Variants in RABGAP1L observed in about 807,000 individuals in gnomAD.
RABGAP1L encodes the protein rab GTPase-activating protein 1-like.
Under a neutral mutation model 137.7 loss-of-function variants are expected in RABGAP1L, and 63 were observed. The ratio of observed to expected loss-of-function variants is 0.46; its 90% CI spans 0.37 to 0.56. RABGAP1L has a LOEUF of 0.56. RABGAP1L is among the 20% of genes least tolerant of loss of function. The pLI is 0.00. For synonymous variants in RABGAP1L, 431 were observed against 433.7 expected, an observed-to-expected ratio of 0.99 and a Z score of 0.08; for missense variants, 1,095 against 1,244.0, an observed-to-expected ratio of 0.88 and a Z score of 1.80.
chr1:174,296,017 C>T (rs563639807), intron 10 of RABGAP1L, among the ~76,000 whole-genome samples: 1 of 152,042 alleles, frequency 6.6e-6, no homozygotes, highest in East Asian at 1.9e-4. Context: ...GAAACACAGA[C>T]GTTTAAAAAA....
intron 11 of RABGAP1L, among the ~76,000 whole-genome samples, chr1:174,309,055 A>T (rs1168514211): frequency 6.6e-6 from 1 of 151,948 alleles, no homozygotes; most frequent in Non-Finnish European, 1.5e-5. Context: ...TCTGTCATCA[A>T]TGTCTTATAG....
chr1:174,573,890 C>A (rs1393675441), intron 13 of RABGAP1L, among the ~76,000 whole-genome samples: 1 of 152,148 alleles, frequency 6.6e-6, no homozygotes, highest in Admixed American at 6.5e-5. Flanking sequence ...AGTACTTGAA[C>A]TGAAATTTAG....
chr1:174,438,742 G>GTA (rs1468934527), intron 13 of RABGAP1L, among the ~76,000 whole-genome samples: 2 of 65,792 alleles, frequency 3.0e-5, no homozygotes, highest in Non-Finnish European at 2.5e-5. Flanking sequence ...AAGTGTGTGT[G>GTA]TGTATATATA....
At chr1:174,449,047 T>C in intron 13 of RABGAP1L, 2 of 1,613,974 alleles carry the variant, frequency 1.2e-6, no homozygotes, top group East Asian at 2.2e-5. Context: ...ATAGTTTTTG[T>C]AACTGTGTAA....
At chr1:174,820,942 G>A (rs569230470) in intron 19 of RABGAP1L, among the ~76,000 whole-genome samples, 1 of 151,814 alleles carries the variant, frequency 6.6e-6, no homozygotes, top group African/African-American at 2.4e-5. Context: ...GCTGGAGTCC[G>A]GGAGGTGGAG....
chr1:174,299,759 C>CT (rs1243095229), intron 10 of RABGAP1L, among the ~76,000 whole-genome samples: 2 of 152,190 alleles, frequency 1.3e-5, no homozygotes, highest in South Asian at 4.1e-4. Flanking sequence ...TTAGTTAACT[C>CT]TTGTTTTGCT....
intron 13 of RABGAP1L, among the ~76,000 whole-genome samples, chr1:174,477,599 C>T (rs1658635162): frequency 6.6e-6 from 1 of 152,114 alleles, no homozygotes; most frequent in African/African-American, 2.4e-5. Flanking sequence ...GGGAGAAGTA[C>T]TGGACATCTG....
chr1:174,483,484 C>G (rs1287925099), intron 13 of RABGAP1L, among the ~76,000 whole-genome samples: 4 of 152,176 alleles, frequency 2.6e-5, no homozygotes, highest in African/African-American at 9.7e-5. Context: ...TTTTTTATGG[C>G]TGAATAGTAC....
At chr1:174,640,347 A>G (rs1029579707) in intron 14 of RABGAP1L, among the ~76,000 whole-genome samples, 2 of 152,100 alleles carry the variant, frequency 1.3e-5, no homozygotes, top group Non-Finnish European at 1.5e-5. Context: ...TTAGAATGGA[A>G]TATTATTCTC....
intron 13 of RABGAP1L, among the ~76,000 whole-genome samples, chr1:174,445,275 A>T (rs1228262793): frequency 1.3e-5 from 2 of 152,180 alleles, no homozygotes; most frequent in African/African-American, 4.8e-5. Context: ...GTAAGTCAAA[A>T]TAATCAGAAA....
intron 8 of RABGAP1L, among the ~76,000 whole-genome samples, chr1:174,274,648 G>T: frequency 6.9e-6 from 1 of 145,624 alleles, no homozygotes; most frequent in East Asian, 2.0e-4. Flanking sequence ...GTAGAGGAGA[G>T]AAAGAGACCA....
At chr1:174,717,620 A>ATTTTTTTACAAAATTTTTACAAAATT (rs1681130063) in intron 17 of RABGAP1L, among the ~76,000 whole-genome samples, 3 of 152,126 alleles carry the variant, frequency 2.0e-5, no homozygotes, top group Non-Finnish European at 2.9e-5. Context: ...AACATGCAAA[A>ATTTTTTTACAAAATTTTTACAAAATT]TTTTTACAAA....
In RABGAP1L at chr1:174,830,768, C is replaced by T. The variant is rs540788925; in HGVS notation, c.2340+18808C>T. ...CTGGGATTACAGGCATGAGCTACCG[C>T]ACCTGGTGAGCTGTTATTTTTCAAA... On this transcript the variant is annotated intron_variant, in intron 19 of 25. Coordinates refer to ENST00000681986, the MANE Select transcript of RABGAP1L (RefSeq NM_001366446.1). Among the ~76,000 whole-genome samples the T allele has an allele frequency of 4.4e-4, 66 of 148,460 alleles. 3 individuals are homozygous for T. Among genetic ancestry groups the T allele is most frequent in the African/African-American group, 1.6e-3 (65 of 40,766 alleles).
chr1:174,673,815 A>G (rs1478095280), intron 14 of RABGAP1L, among the ~76,000 whole-genome samples: 1 of 152,196 alleles, frequency 6.6e-6, no homozygotes, highest in Non-Finnish European at 1.5e-5. Flanking sequence ...GAAGTCTGAA[A>G]GGCTGAATAT....
chr1:174,685,230 TTGA>T (rs1307550646), intron 15 of RABGAP1L, among the ~76,000 whole-genome samples: 3 of 151,696 alleles, frequency 2.0e-5, no homozygotes, highest in Non-Finnish European at 2.9e-5. Context: ...AGTTTAGGAG[TTGA>T]TGATGATGAG....
At chr1:174,373,051 C>T (rs2149006057) in intron 12 of RABGAP1L, among the ~76,000 whole-genome samples, 1 of 152,332 alleles carries the variant, frequency 6.6e-6, no homozygotes, top group South Asian at 2.1e-4. Flanking sequence ...TATCCAGAAT[C>T]TAACTTACTC....
intron 13 of RABGAP1L, among the ~76,000 whole-genome samples, chr1:174,512,520 T>A (rs1035219945): frequency 2.0e-5 from 3 of 152,230 alleles, no homozygotes; most frequent in African/African-American, 7.2e-5. Flanking sequence ...ATTTACATGT[T>A]ATACTTTAGC....
intron 13 of RABGAP1L, among the ~76,000 whole-genome samples, chr1:174,473,405 T>G (rs1335011656): frequency 9.9e-5 from 15 of 152,098 alleles, no homozygotes; most frequent in Admixed American, 2.0e-4. Context: ...TTGATTTTGG[T>G]ATAGCATCTA....
chr1:174,384,301 G>T (rs1310522646), intron 12 of RABGAP1L, among the ~76,000 whole-genome samples: 2 of 152,180 alleles, frequency 1.3e-5, no homozygotes, highest in South Asian at 2.1e-4. Context: ...GGGAATTTGG[G>T]TATGGGGGGA....
Sources: allele counts gnomAD v4.1 joint callset (sites outside exome capture counted in the v4.1 genomes callset), GRCh38; gene constraint gnomAD v4.1.1; transcripts MANE v1.5; gene names NCBI Gene and HGNC (gene_info 2026-07-23, HGNC 2026-07-21).